Variants in ALKBH1 observed in about 807,000 individuals in gnomAD.
The protein encoded by ALKBH1 is nucleic acid dioxygenase ALKBH1.
A neutral mutation model predicts 36.6 loss-of-function variants in ALKBH1; 31 were observed. The ratio of observed to expected loss-of-function variants is 0.85; its 90% CI spans 0.64 to 1.14. The LOEUF (loss-of-function observed/expected upper bound fraction) is 1.14, where lower values mean the gene tolerates loss of function less well. Ranked by LOEUF, ALKBH1 falls within the 50% of genes most tolerant of loss-of-function variation. The pLI is 0.00. For missense variants in ALKBH1, 490 were observed against 497.3 expected (o/e 0.99, Z 0.14); for synonymous variants, 183 against 186.6 (o/e 0.98, Z 0.16).
chr14:77,683,149 CTTTTT>C (rs34921168), intron 3 of ALKBH1: 51,989 of 403,784 alleles, frequency 0.13, 1,689 homozygotes, highest in Middle Eastern at 0.14. Flanking sequence ...GCTGTAAAGT[CTTTTT>C]TTTTTTTTTT....
At chr14:77,679,854 C>T (rs1009365643) in intron 4 of ALKBH1, 26 bp downstream of exon 4, 1 of 1,580,838 alleles carries the variant, frequency 6.3e-7, no homozygotes, top group East Asian at 2.2e-5. Context: ...AAACAGAAAA[C>T]AAAAGAATTA....
At chr14:77,683,149 C>T (rs999738075) in intron 3 of ALKBH1, 58 of 406,020 alleles carry the variant, frequency 1.4e-4, no homozygotes, top group African/African-American at 1.6e-4. Context: ...GCTGTAAAGT[C>T]TTTTTTTTTT....
At chr14:77,678,708 T>C (rs771449437) in intron 4 of ALKBH1, among the ~76,000 whole-genome samples, 9 of 152,174 alleles carry the variant, frequency 5.9e-5, no homozygotes, top group Non-Finnish European at 1.0e-4. Context: ...AGGCATCTTC[T>C]AAAGCATAGA....
chr14:77,688,575 C>T (rs1425776983), intron 3 of ALKBH1, among the ~76,000 whole-genome samples: 11 of 126,862 alleles, frequency 8.7e-5, no homozygotes, highest in African/African-American at 1.3e-4. Flanking sequence ...TTTTTTGAGA[C>T]AGAGTCTCAT....
intron 2 of ALKBH1, 39 bp downstream of exon 2, chr14:77,704,330 T>C (rs549827998): frequency 2.0e-5 from 28 of 1,386,766 alleles, no homozygotes; most frequent in East Asian, 2.3e-5. Flanking sequence ...ACATAAATGA[T>C]TGAGTGATAT....
intron 4 of ALKBH1, among the ~76,000 whole-genome samples, chr14:77,678,892 T>G (rs1229723247): frequency 2.0e-5 from 3 of 152,156 alleles, no homozygotes; most frequent in Non-Finnish European, 4.4e-5. Flanking sequence ...CTTGGCTCAC[T>G]GCAACCTCTG....
At chr14:77,681,261 T>C (rs767559786) in intron 3 of ALKBH1, among the ~76,000 whole-genome samples, 11 of 152,248 alleles carry the variant, frequency 7.2e-5, no homozygotes, top group Admixed American at 4.6e-4. Flanking sequence ...AACAGCAGAC[T>C]TTGAGGGGCA....
intron 1 of ALKBH1, among the ~76,000 whole-genome samples, chr14:77,705,312 G>A (rs2080382504): frequency 6.6e-6 from 1 of 151,512 alleles, no homozygotes; most frequent in African/African-American, 2.4e-5. Context: ...ACGAGAGGCT[G>A]GGGCACCAGA....
At chr14:77,679,066 C>G (rs948569996) in intron 4 of ALKBH1, among the ~76,000 whole-genome samples, 26 of 152,132 alleles carry the variant, frequency 1.7e-4, no homozygotes, top group Non-Finnish European at 3.2e-4. Context: ...ATCTTCCCAC[C>G]TCAGCCACCC....
intron 3 of ALKBH1, among the ~76,000 whole-genome samples, chr14:77,681,310 G>C (rs765085404): frequency 2.6e-5 from 4 of 152,130 alleles, no homozygotes; most frequent in Non-Finnish European, 5.9e-5. Flanking sequence ...GTCAGCTGTC[G>C]AATCAGTTGG....
At chr14:77,684,249 C>T (rs571576845) in intron 3 of ALKBH1, among the ~76,000 whole-genome samples, 7 of 152,202 alleles carry the variant, frequency 4.6e-5, no homozygotes, top group Non-Finnish European at 1.0e-4. Flanking sequence ...CCAAATGATA[C>T]TTATGCTGCT....
chr14:77,702,421 C>T (rs1213987226), intron 2 of ALKBH1, among the ~76,000 whole-genome samples: 4 of 152,062 alleles, frequency 2.6e-5, no homozygotes, highest in South Asian at 2.1e-4. Flanking sequence ...AGGAGCCAGG[C>T]TGTTATATCT....
At chr14:77,692,197 T>C (rs764947444) in intron 3 of ALKBH1, among the ~76,000 whole-genome samples, 6 of 152,196 alleles carry the variant, frequency 3.9e-5, no homozygotes, top group Non-Finnish European at 8.8e-5. Flanking sequence ...CCTCATACTA[T>C]TCAATAAGGA....
intron 2 of ALKBH1, 42 bp downstream of exon 2, chr14:77,704,327 T>C: frequency 7.3e-7 from 1 of 1,370,314 alleles, no homozygotes; most frequent in South Asian, 1.2e-5. Flanking sequence ...AAGACATAAA[T>C]GATTGAGTGA....
intron 3 of ALKBH1, among the ~76,000 whole-genome samples, chr14:77,692,647 C>A (rs1000248939): frequency 6.6e-6 from 1 of 151,964 alleles, no homozygotes; most frequent in Non-Finnish European, 1.5e-5. Flanking sequence ...TACCATCTGG[C>A]CCAAATCCAC....
chr14:77,673,875 AC>A lies in ALKBH1; in HGVS notation c.1106del (p.Gly369ValfsTer12). The A allele has an allele frequency of 6.2e-7, 1 of 1,614,174 alleles. No individual in the cohort carries two copies. The highest frequency in any genetic ancestry group is 8.5e-7 in the Non-Finnish European group (1 of 1,180,042). On this transcript the variant is annotated frameshift_variant, in exon 6 of 6. Transcript: ENST00000216489. LOFTEE classifies it high-confidence loss of function. Reference protein sequence around the residue: ...EDEKRDISTEGFCHLDDQNSE... With the variant: ...EDEKRDISTEXFCHLDDQNSE... ...TATTCTGGTCATCCAGATGGCAGAA[AC>A]CTTCTGTACTGATGTCTCTTTTTTC...
rs1454334565 is a variant in ALKBH1 at position 77,694,757 on chromosome 14, G to A, written c.436C>T (p.Gln146Ter). ...ACTTACCTCAGGAACTCTTTGCTCT[G>A]TTCCCACAGATCTTGGGTCTCTTCT... is the stretch of plus-strand genomic sequence containing the variant. Reference protein sequence around the residue: ...SKEETQDLWEQSKEFLRYKEA... With the variant: ...SKEETQDLWE Residue 146 changes from glutamine to a stop codon, truncating the protein, a stop_gained, in exon 3 of 6, where the codon CAG (glutamine) becomes TAG (stop). Transcript: ENST00000216489. LOFTEE classifies it high-confidence loss of function. 1.3e-6 allele frequency: 2 copies of A among 1,599,758 alleles called. No individual in the cohort carries two copies. The highest frequency in any genetic ancestry group is 1.7e-6 in the Non-Finnish European group (2 of 1,174,372).
intron 1 of ALKBH1, among the ~76,000 whole-genome samples, chr14:77,707,055 T>TA (rs1285393646): frequency 6.6e-6 from 1 of 152,226 alleles, no homozygotes; most frequent in East Asian, 1.9e-4. Context: ...TATGTTCCCT[T>TA]AAAAAAATAA....
intron 4 of ALKBH1, among the ~76,000 whole-genome samples, chr14:77,678,286 TC>T (rs1455865112): frequency 6.6e-6 from 1 of 152,136 alleles, no homozygotes; most frequent in African/African-American, 2.4e-5. Context: ...ACATGGCATT[TC>T]CCCTCAAAAA....
Sources: gnomAD v4.1 joint callset for allele counts (sites outside exome capture counted in the v4.1 genomes callset) on GRCh38, gnomAD v4.1.1 for gene constraint, MANE v1.5 for transcripts, NCBI Gene and HGNC (gene_info 2026-07-23, HGNC 2026-07-21) for gene names.